The following ZC3H12B variants were observed in gnomAD, a reference collection of about 807,000 sequenced individuals.
ZC3H12B encodes zinc finger CCCH-type containing 12B.
A neutral mutation model predicts 43.9 loss-of-function variants in ZC3H12B; 7 were observed. The ratio of observed to expected loss-of-function variants is 0.16; its 90% CI spans 0.09 to 0.30. The LOEUF is 0.30. Among genes scored for constraint, ZC3H12B ranks in the 10% least tolerant of loss-of-function variants. The probability of loss-of-function intolerance (pLI) is 1.00; values close to 1 mark genes in which losing one functional copy is unlikely to be tolerated. For synonymous variants in ZC3H12B, 222 were observed against 241.7 expected, an observed-to-expected ratio of 0.92 and a Z score of 0.76; for missense variants, 475 against 670.2, an observed-to-expected ratio of 0.71 and a Z score of 3.22.
chrX:65,453,972 G>A (rs1329144676), intron 3 of ZC3H12B, among the ~76,000 whole-genome samples: 1 of 112,090 alleles, frequency 8.9e-6, no homozygotes, highest in Non-Finnish European at 1.9e-5. Context: ...AGTGTACACT[G>A]CTCGGGTGAT....
intron 1 of ZC3H12B, among the ~76,000 whole-genome samples, chrX:65,367,399 T>C (rs1238441043): frequency 9.0e-6 from 1 of 111,402 alleles, no homozygotes; most frequent in African/African-American, 3.3e-5. Context: ...CAATATCAAC[T>C]CTAGAAAAGC....
intron 2 of ZC3H12B, among the ~76,000 whole-genome samples, chrX:65,389,079 G>A (rs943153868): frequency 8.9e-6 from 1 of 112,131 alleles, no homozygotes; most frequent in Non-Finnish European, 1.9e-5. Flanking sequence ...GGCTACTTGG[G>A]GTTCAGGGAC....
chrX:65,318,416 T>C, the ZC3H12B span, among the ~76,000 whole-genome samples: 2 of 108,644 alleles, frequency 1.8e-5, no homozygotes, highest in African/African-American at 6.7e-5. Flanking sequence ...CTTTCTTCTT[T>C]CTCCTTTTTT....
chrX:65,104,808 A>G, the ZC3H12B span, among the ~76,000 whole-genome samples: 2 of 111,759 alleles, frequency 1.8e-5, no homozygotes, highest in Admixed American at 1.9e-4. Flanking sequence ...TATTGGTGGG[A>G]GTGTAAATTA....
chrX:65,357,138 G>A, the ZC3H12B span: 14 of 475,699 alleles, frequency 2.9e-5, no homozygotes, highest in Admixed American at 1.9e-4. Context: ...TCACATGGGG[G>A]CTCTGTCCTG....
chrX:65,290,794 A>T, the ZC3H12B span, among the ~76,000 whole-genome samples: 26,721 of 110,711 alleles, frequency 0.24, 7,706 homozygotes, highest in African/African-American at 0.83. Flanking sequence ...ATGTAGGAGT[A>T]AAAAAATTTG....
At chrX:65,270,264 C>T in the ZC3H12B span, among the ~76,000 whole-genome samples, 1 of 111,296 alleles carries the variant, frequency 9.0e-6, no homozygotes, top group South Asian at 3.7e-4. Flanking sequence ...ATAAGAGCAC[C>T]AAGAGGACAC....
At chrX:65,138,888 C>G in the ZC3H12B span, among the ~76,000 whole-genome samples, 1 of 112,032 alleles carries the variant, frequency 8.9e-6, no homozygotes, top group Non-Finnish European at 1.9e-5. Flanking sequence ...GAATGCCTTC[C>G]TTTGAGAAAT....
At chrX:65,160,232 T>C in the ZC3H12B span, among the ~76,000 whole-genome samples, 2 of 111,678 alleles carry the variant, frequency 1.8e-5, no homozygotes, top group Admixed American at 1.9e-4. Context: ...CTCCTTTCGG[T>C]TGTGTCTCTA....
At chrX:65,203,757 A>G in the ZC3H12B span, among the ~76,000 whole-genome samples, 1 of 111,759 alleles carries the variant, frequency 8.9e-6, no homozygotes, top group Non-Finnish European at 1.9e-5. Context: ...ACTAGGTCAC[A>G]TGCCCTGCAA....
chrX:65,357,057 T>C, the ZC3H12B span: 15 of 584,619 alleles, frequency 2.6e-5, no homozygotes, highest in African/African-American at 4.5e-5. Context: ...CTGGGTCTCC[T>C]TGAAAATCAA....
chrX:65,337,428 C>T, the ZC3H12B span, among the ~76,000 whole-genome samples: 1 of 112,193 alleles, frequency 8.9e-6, no homozygotes, highest in Non-Finnish European at 1.9e-5. Context: ...AATAGCCTGA[C>T]TTTTTTAAGG....
the ZC3H12B span, among the ~76,000 whole-genome samples, chrX:65,159,538 G>A: frequency 2.7e-5 from 3 of 111,418 alleles, no homozygotes; most frequent in Admixed American, 1.9e-4. Flanking sequence ...ATTGTGAATG[G>A]GAGTTCACTC....
the ZC3H12B span, among the ~76,000 whole-genome samples, chrX:65,336,209 A>G: frequency 8.9e-6 from 1 of 112,786 alleles, no homozygotes; most frequent in African/African-American, 3.2e-5. Context: ...TCATTCCTTT[A>G]ACCAGTTTGC....
chrX:65,430,131 A>T (rs2067137111), intron 3 of ZC3H12B, among the ~76,000 whole-genome samples: 1 of 111,729 alleles, frequency 9.0e-6, no homozygotes, highest in Non-Finnish European at 1.9e-5. Flanking sequence ...TTGCACACAC[A>T]TTTGTTGGAA....
At chrX:65,461,716 G>T (rs886458001) in intron 3 of ZC3H12B, among the ~76,000 whole-genome samples, 2 of 111,307 alleles carry the variant, frequency 1.8e-5, no homozygotes, top group East Asian at 2.8e-4. Flanking sequence ...GTCTAGGTAG[G>T]GGGGAGGGAT....
intron 2 of ZC3H12B, among the ~76,000 whole-genome samples, chrX:65,377,980 T>C (rs1258039420): frequency 9.1e-6 from 1 of 110,325 alleles, no homozygotes; most frequent in African/African-American, 3.3e-5. Context: ...GTGCCAGTAG[T>C]CCCAGCTACT....
At chrX:65,199,150 G>T in the ZC3H12B span, among the ~76,000 whole-genome samples, 1 of 107,512 alleles carries the variant, frequency 9.3e-6, no homozygotes, top group African/African-American at 3.4e-5. Context: ...GATCTCGTAG[G>T]CATACTTAAT....
chrX:65,397,100 C>T (rs2066709319), intron 2 of ZC3H12B, among the ~76,000 whole-genome samples: 1 of 111,459 alleles, frequency 9.0e-6, no homozygotes, highest in Admixed American at 9.5e-5. Context: ...TGTGTCTTTG[C>T]ACGTGAGATG....
Sources: gnomAD v4.1 joint callset for allele counts (sites outside exome capture counted in the v4.1 genomes callset) on GRCh38, gnomAD v4.1.1 for gene constraint, MANE v1.5 for transcripts, NCBI Gene and HGNC (gene_info 2026-07-23, HGNC 2026-07-21) for gene names.